TOMM5: variants seen among roughly 807,000 people sequenced by gnomAD.
The protein encoded by TOMM5 is mitochondrial import receptor subunit TOM5 homolog.
In TOMM5, 1 loss-of-function variant was observed where a neutral mutation model predicts 4.8. The ratio of observed to expected loss-of-function variants is 0.21; its 90% CI spans 0.07 to 0.99. The LOEUF (loss-of-function observed/expected upper bound fraction) is 0.99. Among genes scored for constraint, TOMM5 ranks in the 50% least tolerant of loss-of-function variants. The pLI is 0.60. For synonymous variants in TOMM5, 26 were observed against 26.7 expected (o/e 0.97, Z 0.08); for missense variants, 60 against 66.6 (o/e 0.90, Z 0.35).
intron 1 of TOMM5, among the ~76,000 whole-genome samples, chr9:37,592,076 A>C (rs972785746): frequency 1.9e-4 from 29 of 151,902 alleles, no homozygotes; most frequent in African/African-American, 6.5e-4. Context: ...CGCCACCACG[A>C]ACTCCTGACC....
chr9:37,591,614 C>T (rs1389796598), intron 1 of TOMM5, among the ~76,000 whole-genome samples: 1 of 151,234 alleles, frequency 6.6e-6, no homozygotes, highest in East Asian at 2.0e-4. Context: ...ATGGCTTGAA[C>T]TCGGGAGGCA....
At position 37,589,880 on chromosome 9, in the gene TOMM5, A is replaced by G. The variant is rs573209793; in HGVS notation, c.122-948T>C. Among the ~76,000 whole-genome samples, 30 of 152,368 alleles carry G rather than the reference A, an allele frequency of 2.0e-4. 1 individual carries two copies. Among genetic ancestry groups the G allele is most frequent in the Middle Eastern group, 3.4e-3 (1 of 294 alleles). On this transcript the variant is annotated intron_variant, in intron 1 of 1. Transcript: ENST00000321301. ...TCTGTCAGAAGCTGATAAAGTCAGCAGTATATCCAATTTTTCCTACTAATT... is the reference window on the plus strand; with the variant it reads ...TCTGTCAGAAGCTGATAAAGTCAGCGGTATATCCAATTTTTCCTACTAATT...
intron 1 of TOMM5, among the ~76,000 whole-genome samples, chr9:37,591,709 A>G (rs954602202): frequency 1.4e-5 from 2 of 144,854 alleles, no homozygotes; most frequent in Non-Finnish European, 3.0e-5. Context: ...AAAAAAAAAA[A>G]GAAAAGAAAA....
chr9:37,591,695 G>GA (rs34121872), intron 1 of TOMM5, among the ~76,000 whole-genome samples: 445 of 137,684 alleles, frequency 3.2e-3, no homozygotes, highest in South Asian at 7.5e-3. Flanking sequence ...GTGTATCGAG[G>GA]AAAAAAAAAA....
Position 37,591,488 on chromosome 9 carries a change from C to T in TOMM5, c.121+924G>A, listed in dbSNP as rs186807269. 4.9e-3 allele frequency among the ~76,000 whole-genome samples: 751 copies of T among 151,902 alleles called. 2 individuals are homozygous for T. The highest frequency in any genetic ancestry group is 0.01 in the Middle Eastern group (3 of 294). On this transcript the variant is annotated intron_variant, in intron 1 of 1. Coordinates refer to ENST00000321301, the MANE Select transcript of TOMM5 (RefSeq NM_001001790.3). ...GGTGGATCACCTGAGGTCAGGAGTTCGAGACCGGCCTGGCCAACATGGTTA... is the reference window on the plus strand; with the variant it reads ...GGTGGATCACCTGAGGTCAGGAGTTTGAGACCGGCCTGGCCAACATGGTTA...
At position 37,588,625 on chromosome 9, in the gene TOMM5, G is replaced by C; in HGVS notation, c.*273C>G. Reference sequence around the variant, plus strand: ...TAATACTTGCTAGAAAACGGAGTTTGACATTATTTACAATTATACCAGTAT... The same window carrying C: ...TAATACTTGCTAGAAAACGGAGTTTCACATTATTTACAATTATACCAGTAT... On this transcript the variant is annotated 3_prime_UTR_variant, in exon 2 of 2. Coordinates refer to ENST00000321301, the MANE Select transcript of TOMM5 (RefSeq NM_001001790.3). The C allele has an allele frequency of 1.7e-6, 1 of 589,468 alleles. No individual in the cohort carries two copies. Among genetic ancestry groups the C allele is most frequent in the South Asian group, 1.8e-5 (1 of 56,470 alleles). The allele number at this position is 589,468 out of a possible 1,614,324, so 36.5% of individuals were successfully genotyped here.
intron 1 of TOMM5, among the ~76,000 whole-genome samples, chr9:37,589,849 C>A (rs761817354): frequency 6.6e-5 from 10 of 152,150 alleles, no homozygotes; most frequent in Non-Finnish European, 1.3e-4. Context: ...ACTGAAGACA[C>A]TGAGATCTGT....
rs777364073 is a variant in TOMM5, at chr9:37,588,926, A to G, written c.128T>C (p.Phe43Ser). The G allele has an allele frequency of 3.1e-6, 5 of 1,612,804 alleles. No individual in the cohort carries two copies. Among genetic ancestry groups the G allele is most frequent in the Admixed American group, 1.7e-5 (1 of 59,956 alleles). The change falls in exon 2 of 2, where the codon TTT becomes TCT. Residue 43 changes from phenylalanine to serine, a missense_variant. By Grantham distance (155) the Phe-to-Ser change is radical (BLOSUM62 -2). Transcript: ENST00000321301. Reference protein sequence around the residue: ...IYVALLRVTPFILKKLDSI With the variant: ...IYVALLRVTPSILKKLDSI Reference sequence around the variant, plus strand: ...TATGCTGTCCAATTTCTTTAAGATAAATGGAGCTGAAAGAAAAACAAATCT... The same window carrying G: ...TATGCTGTCCAATTTCTTTAAGATAGATGGAGCTGAAAGAAAAACAAATCT...
intron 1 of TOMM5, chr9:37,592,123 GGGT>G (rs1823112221): frequency 1.7e-6 from 2 of 1,177,362 alleles, no homozygotes; most frequent in African/African-American, 3.1e-5. Flanking sequence ...ACAAAGTGCT[GGGT>G]GGGATTACAG....
intron 1 of TOMM5, among the ~76,000 whole-genome samples, chr9:37,591,765 G>C (rs145828050): frequency 0.013 from 1,960 of 152,050 alleles, 22 homozygotes; most frequent in Non-Finnish European, 0.017. Flanking sequence ...TGGATTTTAG[G>C]TCAAGATCAT....
chr9:37,589,173 GC>G (rs1823062490), intron 1 of TOMM5, among the ~76,000 whole-genome samples: 1 of 152,182 alleles, frequency 6.6e-6, no homozygotes, highest in African/African-American at 2.4e-5. Context: ...CAGATAGTTT[GC>G]CCCTTAGGGC....
chr9:37,590,474 C>T (rs559008219), intron 1 of TOMM5, among the ~76,000 whole-genome samples: 25 of 152,012 alleles, frequency 1.6e-4, no homozygotes, highest in Non-Finnish European at 3.5e-4. Flanking sequence ...TTGTGAAAGG[C>T]TGGAGAAAAG....
chr9:37,588,798 A>T lies in TOMM5; in HGVS notation c.*100T>A, dbSNP rs747675228. On this transcript the variant is annotated 3_prime_UTR_variant, in exon 2 of 2. Coordinates refer to ENST00000321301, the MANE Select transcript of TOMM5 (RefSeq NM_001001790.3). ...ACAAGCAGAATTTTATGTCCATTCA[A>T]AGAGTCTCTTACACCTTTCTGGGCC... 2.5e-6 allele frequency: 3 copies of T among 1,205,390 alleles called. No homozygotes were observed. In the African/African-American group the frequency reaches 4.5e-5, roughly 18 times the overall value. The allele number at this position is 1,205,390 out of a possible 1,614,324, so 74.7% of individuals were successfully genotyped here.
chr9:37,591,829 C>T (rs1036922177), intron 1 of TOMM5, among the ~76,000 whole-genome samples: 1 of 152,166 alleles, frequency 6.6e-6, no homozygotes, highest in Non-Finnish European at 1.5e-5. Flanking sequence ...GCTGTTTCTT[C>T]CTTCTAGAAC....
At chr9:37,591,102 C>G (rs1823092851) in intron 1 of TOMM5, among the ~76,000 whole-genome samples, 1 of 152,180 alleles carries the variant, frequency 6.6e-6, no homozygotes, top group Non-Finnish European at 1.5e-5. Context: ...TCCTATAACT[C>G]TGATACCTTC....
At chr9:37,589,290 T>A (rs1588873451) in intron 1 of TOMM5, among the ~76,000 whole-genome samples, 1 of 152,260 alleles carries the variant, frequency 6.6e-6, no homozygotes, top group South Asian at 2.1e-4. Context: ...TGGGCATTTT[T>A]CACCTTTAAA....
chr9:37,588,880 A>G lies in TOMM5; in HGVS notation c.*18T>C. 6.2e-7 allele frequency: 1 copy of G among 1,613,594 alleles called. No homozygotes were observed. Among genetic ancestry groups the G allele is most frequent in the Non-Finnish European group, 8.5e-7 (1 of 1,179,474 alleles). On this transcript the variant is annotated 3_prime_UTR_variant, in exon 2 of 2. Transcript: ENST00000321301. The stretch of plus-strand genomic sequence containing the variant: ...ACCAGGCTCTTCATATCGTGCATTC[A>G]TATGTGATGTCCTGTCTTCATATGC...
chr9:37,588,952 A>T lies in TOMM5; in HGVS notation c.122-20T>A. On this transcript the variant is annotated intron_variant, in intron 1 of 1. Coordinates refer to ENST00000321301, the MANE Select transcript of TOMM5 (RefSeq NM_001001790.3). The stretch of plus-strand genomic sequence containing the variant: ...ATGGAGCTGAAAGAAAAACAAATCT[A>T]AAATTAGTTTTCAAATCTATTAGCC... The T allele has an allele frequency of 6.3e-7, 1 of 1,599,538 alleles. No individual in the cohort carries two copies. The highest frequency in any genetic ancestry group is 8.6e-7 in the Non-Finnish European group (1 of 1,167,924).
chr9:37,592,367 T>G (rs1361767044), intron 1 of TOMM5, 45 bp downstream of exon 1: 7 of 1,612,882 alleles, frequency 4.3e-6, no homozygotes, highest in Non-Finnish European at 5.9e-6. Context: ...TGCCCGTCGG[T>G]GAGCTCCCCG....
Sources: allele counts gnomAD v4.1 joint callset (sites outside exome capture counted in the v4.1 genomes callset), GRCh38; gene constraint gnomAD v4.1.1; transcripts MANE v1.5; gene names NCBI Gene and HGNC (gene_info 2026-07-23, HGNC 2026-07-21).